The following CPNE4 variants were observed in gnomAD, a reference collection of about 807,000 sequenced individuals.
The protein encoded by CPNE4 is copine-4.
Under a neutral mutation model 67.9 loss-of-function variants are expected in CPNE4, and 25 were observed. The ratio of observed to expected loss-of-function variants is 0.37; its 90% CI spans 0.27 to 0.51. The LOEUF (loss-of-function observed/expected upper bound fraction) is 0.51. Among genes scored for constraint, CPNE4 ranks in the 20% least tolerant of loss-of-function variants. The probability of loss-of-function intolerance (pLI) is 0.93; values close to 1 mark genes in which losing one functional copy is unlikely to be tolerated. For missense variants in CPNE4, 464 were observed against 690.8 expected (o/e 0.67, Z 3.68); for synonymous variants, 242 against 244.9 (o/e 0.99, Z 0.11).
At chr3:131,865,712 C>T (rs1390666608) in intron 2 of CPNE4, among the ~76,000 whole-genome samples, 1 of 152,204 alleles carries the variant, frequency 6.6e-6, no homozygotes, top group Non-Finnish European at 1.5e-5. Flanking sequence ...CCATACACAT[C>T]TGTAGACTGA....
At chr3:131,771,394 G>A (rs1358721930) in intron 2 of CPNE4, among the ~76,000 whole-genome samples, 1 of 152,052 alleles carries the variant, frequency 6.6e-6, no homozygotes, top group African/African-American at 2.4e-5. Flanking sequence ...AGGTGTTTTG[G>A]TCATGGGGTC....
At chr3:131,566,078 A>G (rs1937042717) in intron 10 of CPNE4, among the ~76,000 whole-genome samples, 1 of 151,852 alleles carries the variant, frequency 6.6e-6, no homozygotes, top group African/African-American at 2.4e-5. Context: ...ACCTTTTTCC[A>G]TTACGCCATC....
intron 2 of CPNE4, among the ~76,000 whole-genome samples, chr3:131,748,676 G>T (rs2082551111): frequency 6.6e-6 from 1 of 152,032 alleles, no homozygotes; most frequent in Non-Finnish European, 1.5e-5. Context: ...TTTTCATAAA[G>T]TGACATTGTC....
intron 7 of CPNE4, among the ~76,000 whole-genome samples, chr3:131,653,207 G>A (rs1271723129): frequency 2.8e-5 from 4 of 141,854 alleles, no homozygotes; most frequent in Non-Finnish European, 4.5e-5. Flanking sequence ...GTGCAGTGGT[G>A]CGATCTCGGC....
At chr3:131,688,651 C>T (rs12107685) in intron 5 of CPNE4, among the ~76,000 whole-genome samples, 3,305 of 152,176 alleles carry the variant, frequency 0.022, 73 homozygotes, top group African/African-American at 0.051. Context: ...AAACTGCTAA[C>T]CACAATGTAA....
chr3:131,761,027 T>G (rs1279262359), intron 2 of CPNE4, among the ~76,000 whole-genome samples: 1 of 152,086 alleles, frequency 6.6e-6, no homozygotes, highest in Non-Finnish European at 1.5e-5. Context: ...GATAAATTCA[T>G]CTTAGAGTAG....
At chr3:131,790,906 GC>G (rs145032094) in intron 2 of CPNE4, among the ~76,000 whole-genome samples, 318 of 151,972 alleles carry the variant, frequency 2.1e-3, no homozygotes, top group African/African-American at 7.3e-3. Flanking sequence ...ACAATTTTAT[GC>G]TTTAACATGT....
chr3:131,978,728 G>T (rs1381124765), intron 1 of CPNE4, among the ~76,000 whole-genome samples: 1 of 148,632 alleles, frequency 6.7e-6, no homozygotes, highest in African/African-American at 2.5e-5. Context: ...TCTTTCTTCT[G>T]CTGGGTTTGG....
intron 9 of CPNE4, among the ~76,000 whole-genome samples, chr3:131,580,236 TAC>T (rs1937711743): frequency 6.6e-6 from 1 of 152,284 alleles, no homozygotes; most frequent in African/African-American, 2.4e-5. Context: ...TTAAAGTACG[TAC>T]ATTTTTAGAC....
At chr3:131,943,953 C>G (rs1475094743) in intron 1 of CPNE4, among the ~76,000 whole-genome samples, 1 of 152,140 alleles carries the variant, frequency 6.6e-6, no homozygotes, top group Non-Finnish European at 1.5e-5. Flanking sequence ...ATACCCCATA[C>G]CATTGTTCTC....
intron 14 of CPNE4, among the ~76,000 whole-genome samples, chr3:131,547,611 G>A (rs947971188): frequency 6.6e-6 from 1 of 151,302 alleles, no homozygotes; most frequent in Non-Finnish European, 1.5e-5. Flanking sequence ...TAAATCCTCA[G>A]CATTACTGCT....
chr3:131,678,478 T>A (rs2080644255), intron 6 of CPNE4, among the ~76,000 whole-genome samples: 1 of 152,144 alleles, frequency 6.6e-6, no homozygotes, highest in Non-Finnish European at 1.5e-5. Context: ...TTATGTTGAA[T>A]AGGAGTGGTG....
chr3:131,957,093 G>A (rs1346117122), intron 1 of CPNE4, among the ~76,000 whole-genome samples: 2 of 152,148 alleles, frequency 1.3e-5, no homozygotes, highest in Non-Finnish European at 2.9e-5. Context: ...TCCTACTTAG[G>A]ATGAATTGGG....
intron 5 of CPNE4, among the ~76,000 whole-genome samples, chr3:131,695,347 T>C (rs1295660293): frequency 6.6e-6 from 1 of 152,198 alleles, no homozygotes; most frequent in Non-Finnish European, 1.5e-5. Context: ...TTCAATTCTA[T>C]GAGCAAGTGT....
chr3:131,555,362 A>C (rs1014929358), intron 12 of CPNE4, 135 bp downstream of exon 12: 11 of 673,106 alleles, frequency 1.6e-5, no homozygotes, highest in African/African-American at 9.0e-5. Context: ...ACTGATTCTG[A>C]AGACAATTTC....
intron 1 of CPNE4, among the ~76,000 whole-genome samples, chr3:131,981,594 C>G (rs1049518673): frequency 6.6e-6 from 1 of 152,120 alleles, no homozygotes; most frequent in Non-Finnish European, 1.5e-5. Flanking sequence ...TGCCCTCCCC[C>G]GAGTTCTGGC....
chr3:131,934,027 G>T (rs193054438), intron 1 of CPNE4, among the ~76,000 whole-genome samples: 242 of 152,258 alleles, frequency 1.6e-3, no homozygotes, highest in Non-Finnish European at 2.6e-3. Flanking sequence ...ATATGCCTAC[G>T]TTTATAGTGT....
intron 1 of CPNE4, among the ~76,000 whole-genome samples, chr3:131,963,961 C>A (rs1451745447): frequency 1.3e-5 from 2 of 152,104 alleles, no homozygotes; most frequent in Non-Finnish European, 2.9e-5. Context: ...TGACAGGCAC[C>A]TCATACAGAA....
chr3:132,020,713 T>C (rs1162643204), intron 1 of CPNE4, among the ~76,000 whole-genome samples: 1 of 152,192 alleles, frequency 6.6e-6, no homozygotes, highest in Non-Finnish European at 1.5e-5. Flanking sequence ...AGAGTAATTT[T>C]GGAAACCAGT....
Sources: gnomAD v4.1 joint callset for allele counts (sites outside exome capture counted in the v4.1 genomes callset) on GRCh38, gnomAD v4.1.1 for gene constraint, MANE v1.5 for transcripts, NCBI Gene and HGNC (gene_info 2026-07-23, HGNC 2026-07-21) for gene names.